The following QRSL1 variants were observed in gnomAD, a reference collection of about 807,000 sequenced individuals.
The protein encoded by QRSL1 is glutaminyl-tRNA amidotransferase subunit QRSL1.
In QRSL1, 54 loss-of-function variants were observed where a neutral mutation model predicts 61.6. The ratio of observed to expected loss-of-function variants is 0.88; its 90% CI spans 0.70 to 1.10. The LOEUF (loss-of-function observed/expected upper bound fraction) is 1.10, where lower values mean the gene tolerates loss of function less well. QRSL1 is among the 50% of genes least tolerant of loss of function. The pLI is 0.00. For synonymous variants in QRSL1, 228 were observed against 225.7 expected (o/e 1.01, Z -0.09); for missense variants, 505 against 622.6 (o/e 0.81, Z 2.01).
At chr6:106,651,626 C>CG (rs1395560383) in intron 5 of QRSL1, among the ~76,000 whole-genome samples, 1 of 151,936 alleles carries the variant, frequency 6.6e-6, no homozygotes, top group Non-Finnish European at 1.5e-5. Flanking sequence ...TTAGAAACAA[C>CG]GTAAGAGTTT....
chr6:106,655,579 C>T (rs374932958), intron 8 of QRSL1, 36 bp from the exon 9 acceptor site: 60 of 1,352,202 alleles, frequency 4.4e-5, no homozygotes, highest in Non-Finnish European at 5.8e-5. Flanking sequence ...GACTTTACTT[C>T]CTTTCAAGTA....
chr6:106,659,439 T>G (rs9400044), intron 9 of QRSL1, among the ~76,000 whole-genome samples: 25,606 of 150,510 alleles, frequency 0.17, 2,470 homozygotes, highest in Middle Eastern at 0.28. Flanking sequence ...CACCCCAGCC[T>G]GGGTGACGGA....
chr6:106,662,690 T>C (rs1777375227), intron 9 of QRSL1, among the ~76,000 whole-genome samples: 2 of 152,142 alleles, frequency 1.3e-5, no homozygotes, highest in African/African-American at 4.8e-5. Flanking sequence ...TGGCAAAGAT[T>C]TCTCAACAGT....
At chr6:106,655,769 A>AGGTTTCAAGAATG in intron 9 of QRSL1, 37 bp downstream of exon 9, 1 of 1,256,710 alleles carries the variant, frequency 8.0e-7, no homozygotes, top group Non-Finnish European at 1.2e-6. Flanking sequence ...TTCATTCTTG[A>AGGTTTCAAGAATG]AACCTCAAGT....
intron 1 of QRSL1, among the ~76,000 whole-genome samples, chr6:106,637,939 G>A (rs920861655): frequency 2.6e-5 from 4 of 151,840 alleles, no homozygotes; most frequent in Non-Finnish European, 5.9e-5. Flanking sequence ...AATGCAAATC[G>A]GCACCATTTA....
chr6:106,632,261 G>A (rs1776847132), intron 1 of QRSL1, among the ~76,000 whole-genome samples: 1 of 152,174 alleles, frequency 6.6e-6, no homozygotes, highest in Non-Finnish European at 1.5e-5. Context: ...GAATAGTGCT[G>A]CAATAAACAT....
rs148231578 is a variant in QRSL1 at position 106,655,621 on chromosome 6, G to A, written c.1049G>A (p.Arg350Lys). ...ACCCTTTTCTTGTTTTCAGGTCACA[G>A]ATGTGACATTGATGTGTCCACTGAA... ...ARFDGLQYGHRCDIDVSTEAM... is the reference protein window; with the variant it reads ...ARFDGLQYGHKCDIDVSTEAM... Residue 350 changes from arginine to lysine, a missense_variant, in exon 9 of 11, where the codon AGA (arginine) becomes AAA (lysine). Physicochemically the swap from Arg to Lys is conservative, Grantham distance 26 (BLOSUM62 2). Coordinates refer to ENST00000369046, the MANE Select transcript of QRSL1 (RefSeq NM_018292.5). The A allele has an allele frequency of 1.2e-4, 200 of 1,601,466 alleles. No individual in the cohort carries two copies. In the African/African-American group the frequency reaches 2.5e-3, roughly 20 times the overall value.
intron 4 of QRSL1, among the ~76,000 whole-genome samples, chr6:106,647,649 C>CCTT (rs1777130762): frequency 1.2e-5 from 1 of 84,250 alleles, no homozygotes; most frequent in Non-Finnish European, 2.0e-5. Context: ...CCATAAAGTA[C>CCTT]TTTTTTTTTT....
chr6:106,661,066 A>G lies in QRSL1; in HGVS notation c.1161-1914A>G, dbSNP rs1002765346. Among the ~76,000 whole-genome samples the G allele has an allele frequency of 3.3e-5, 5 of 152,110 alleles. 1 individual carries two copies. In the South Asian group the frequency reaches 1.0e-3, roughly 31 times the overall value. ...GGAAGCAGTTCTTCTTCTGAGCCAT[A>G]TTTAAAGTAGGAAGAAATTTAATAG... On this transcript the variant is annotated intron_variant, in intron 9 of 10. Coordinates refer to ENST00000369046, the MANE Select transcript of QRSL1 (RefSeq NM_018292.5).
chr6:106,661,154 A>C (rs1232270427), intron 9 of QRSL1, among the ~76,000 whole-genome samples: 1 of 151,962 alleles, frequency 6.6e-6, no homozygotes, highest in African/African-American at 2.4e-5. Context: ...CTCTGTCGCC[A>C]GGCTGGAGTG....
chr6:106,652,169 A>G lies in QRSL1; in HGVS notation c.558-40A>G, dbSNP rs1290330084. 3.9e-6 allele frequency: 6 copies of G among 1,536,174 alleles called. No homozygotes were observed. The African/African-American group carries it at 5.5e-5, about 14-fold the overall frequency. Reference sequence around the variant, plus strand: ...GGGTAGATTCCAAATATAATTAGAGATATATCATTCTTCTAAAGATAATTC... The same window carrying G: ...GGGTAGATTCCAAATATAATTAGAGGTATATCATTCTTCTAAAGATAATTC... On this transcript the variant is annotated intron_variant, in intron 5 of 10. Transcript: ENST00000369046.
chr6:106,640,988 T>C (rs1777010595), intron 3 of QRSL1, 67 bp downstream of exon 3: 2 of 1,104,968 alleles, frequency 1.8e-6, no homozygotes, highest in Admixed American at 3.8e-5. Context: ...TTAAGGATAA[T>C]AAAGTACCAA....
At chr6:106,652,747 TA>T in intron 7 of QRSL1, 165 bp downstream of exon 7, 1 of 1,523,452 alleles carries the variant, frequency 6.6e-7, no homozygotes, top group Middle Eastern at 1.7e-4. Context: ...TCCCCATCTG[TA>T]AAATAGGAAT....
chr6:106,656,214 C>T (rs573887815), intron 9 of QRSL1, among the ~76,000 whole-genome samples: 2 of 152,260 alleles, frequency 1.3e-5, no homozygotes, highest in African/African-American at 4.8e-5. Context: ...TTGGTATCCA[C>T]AGGGGTCTTG....
chr6:106,639,001 G>A (rs1265241122), intron 1 of QRSL1, among the ~76,000 whole-genome samples: 2 of 151,524 alleles, frequency 1.3e-5, no homozygotes, highest in African/African-American at 4.9e-5. Context: ...AGGTCACCTT[G>A]TCCTTTACTA....
chr6:106,630,158 C>T (rs1405647293), intron 1 of QRSL1, among the ~76,000 whole-genome samples: 3 of 152,166 alleles, frequency 2.0e-5, no homozygotes, highest in Admixed American at 6.5e-5. Context: ...GATTTACCTA[C>T]CACTAAGATA....
intron 4 of QRSL1, among the ~76,000 whole-genome samples, chr6:106,643,554 C>G (rs1328192722): frequency 6.6e-6 from 1 of 152,046 alleles, no homozygotes; most frequent in Non-Finnish European, 1.5e-5. Context: ...GTGGCGCATG[C>G]CTGTAATCCC....
chr6:106,660,442 C>T (rs1777339459), intron 9 of QRSL1, among the ~76,000 whole-genome samples: 1 of 151,966 alleles, frequency 6.6e-6, no homozygotes, highest in Admixed American at 6.6e-5. Context: ...CCCCCAGCCA[C>T]CCCACAGGCA....
intron 1 of QRSL1, among the ~76,000 whole-genome samples, chr6:106,630,960 C>A (rs1201238234): frequency 6.6e-6 from 1 of 152,198 alleles, no homozygotes; most frequent in African/African-American, 2.4e-5. Context: ...GGCGCGGTGG[C>A]TCACGCCTGT....
Sources: gnomAD v4.1 joint callset for allele counts (sites outside exome capture counted in the v4.1 genomes callset) on GRCh38, gnomAD v4.1.1 for gene constraint, MANE v1.5 for transcripts, NCBI Gene and HGNC (gene_info 2026-07-23, HGNC 2026-07-21) for gene names.